The following GRID2 variants were observed in gnomAD, a reference collection of about 807,000 sequenced individuals.
GRID2 encodes the protein glutamate receptor ionotropic, delta-2.
GRID2 carries 33 observed loss-of-function variants against 114.8 expected under a neutral mutation model. That is an observed-to-expected ratio of 0.29 (90% CI 0.22 to 0.38). The LOEUF (loss-of-function observed/expected upper bound fraction) is 0.38. Ranked by LOEUF, GRID2 falls within the 10% of genes least tolerant of loss-of-function variation. The pLI is 1.00. For synonymous variants in GRID2, 505 were observed against 449.9 expected (o/e 1.12, Z -1.55); for missense variants, 1,184 against 1,257.7 (o/e 0.94, Z 0.89).
Position 93,204,550 on chromosome 4 carries a change from A to AG in GRID2, c.736-2852dup, listed in dbSNP as rs1200117032. Among the ~76,000 whole-genome samples the AG allele has an allele frequency of 5.5e-4, 84 of 152,178 alleles. 2 individuals are homozygous for AG. ...TCTCCTTGCTGACCCTAAGCAACAG[A>AG]GGATAGTACAGTGAGTAGAATCATG... On this transcript the variant is annotated intron_variant, in intron 4 of 15. Transcript: ENST00000282020.
rs562629123 is a variant in GRID2 at position 92,482,420 on chromosome 4, C to T, written c.89-107711C>T. On this transcript the variant is annotated intron_variant, in intron 1 of 15. Coordinates refer to ENST00000282020, the MANE Select transcript of GRID2 (RefSeq NM_001510.4). ...GCAATATACCCATGTAACAAACCTTCACCTGTACCCCTGCATCTAACTTAA... is the reference window on the plus strand; with the variant it reads ...GCAATATACCCATGTAACAAACCTTTACCTGTACCCCTGCATCTAACTTAA... Among the ~76,000 whole-genome samples the T allele has an allele frequency of 2.6e-5, 4 of 152,092 alleles. No homozygotes were observed. The East Asian group carries it at 5.8e-4, about 22-fold the overall frequency.
chr4:92,761,225 G>A (rs997096849), intron 2 of GRID2, among the ~76,000 whole-genome samples: 10 of 151,202 alleles, frequency 6.6e-5, no homozygotes, highest in Non-Finnish European at 1.0e-4. Context: ...CTTTTTTCTA[G>A]TTCTATATTA....
chr4:93,270,826 A>G (rs1288439792), intron 8 of GRID2, among the ~76,000 whole-genome samples: 1 of 152,006 alleles, frequency 6.6e-6, no homozygotes, highest in Non-Finnish European at 1.5e-5. Flanking sequence ...ACAGGGTTTT[A>G]CCATGTTGGC....
At chr4:93,350,901 G>A (rs750889064) in intron 8 of GRID2, among the ~76,000 whole-genome samples, 5 of 152,030 alleles carry the variant, frequency 3.3e-5, no homozygotes, top group Non-Finnish European at 5.9e-5. Context: ...AGTTTTAATG[G>A]ACTCACAGTT....
intron 13 of GRID2, among the ~76,000 whole-genome samples, chr4:93,603,210 C>CA (rs1187078804): frequency 8.7e-5 from 13 of 148,832 alleles, no homozygotes; most frequent in East Asian, 3.9e-4. Context: ...GACTTCATCT[C>CA]AAAAAAAAAG....
chr4:93,160,367 G>A lies in GRID2; in HGVS notation c.736-47037G>A, dbSNP rs75970124. Reference sequence around the variant, plus strand: ...TACAAAAAATAAAGTTTTCCAGTTCGTCTCGAGTCTTAAAAAAAAGTTTGT... The same window carrying A: ...TACAAAAAATAAAGTTTTCCAGTTCATCTCGAGTCTTAAAAAAAAGTTTGT... On this transcript the variant is annotated intron_variant, in intron 4 of 15. Coordinates refer to ENST00000282020, the MANE Select transcript of GRID2 (RefSeq NM_001510.4). 7.8e-3 allele frequency among the ~76,000 whole-genome samples: 1,180 copies of A among 151,764 alleles called. 6 individuals carry two copies. Among genetic ancestry groups the A allele is most frequent in the South Asian group, 0.029 (141 of 4,820 alleles).
chr4:93,717,665 C>T (rs1296396939), intron 14 of GRID2, among the ~76,000 whole-genome samples: 2 of 152,082 alleles, frequency 1.3e-5, no homozygotes, highest in Non-Finnish European at 2.9e-5. Context: ...TAATTATATG[C>T]TGTATATGGC....
chr4:93,338,497 A>G (rs1759315327), intron 8 of GRID2, among the ~76,000 whole-genome samples: 1 of 152,188 alleles, frequency 6.6e-6, no homozygotes, highest in African/African-American at 2.4e-5. Context: ...AGATAACAGT[A>G]AAAGGTAGTA....
chr4:93,340,457 T>G (rs1433665), intron 8 of GRID2, among the ~76,000 whole-genome samples: 1 of 151,922 alleles, frequency 6.6e-6, no homozygotes, highest in African/African-American at 2.4e-5. Flanking sequence ...AATCTTACCT[T>G]TAGGGAGCCA....
At chr4:93,756,994 T>C (rs950289010) in intron 14 of GRID2, among the ~76,000 whole-genome samples, 3 of 152,162 alleles carry the variant, frequency 2.0e-5, no homozygotes, top group Non-Finnish European at 1.5e-5. Context: ...CTCAAGGCAG[T>C]GTATGGTTCA....
chr4:92,717,471 G>A lies in GRID2; in HGVS notation c.244+127185G>A, dbSNP rs139687809. Among the ~76,000 whole-genome samples, 1,052 of 152,232 alleles carry A rather than the reference G, an allele frequency of 6.9e-3. 14 individuals carry two copies. The highest frequency in any genetic ancestry group is 0.023 in the African/African-American group (940 of 41,520). On this transcript the variant is annotated intron_variant, in intron 2 of 15. Transcript: ENST00000282020. ...GCCTGTCAAGAAAATGATGTTTGAC[G>A]AGCTATAAAGCATATTTAATATGCT...
At chr4:93,803,092 G>A (rs1734963017) in intron 1 of GRID2, among the ~76,000 whole-genome samples, 1 of 152,142 alleles carries the variant, frequency 6.6e-6, no homozygotes, top group African/African-American at 2.4e-5. Flanking sequence ...ACATGCAGTG[G>A]AATTTTGTAG....
intron 2 of GRID2, among the ~76,000 whole-genome samples, chr4:93,001,795 A>G (rs947478599): frequency 6.6e-6 from 1 of 151,786 alleles, no homozygotes; most frequent in Non-Finnish European, 1.5e-5. Flanking sequence ...TGCATTAACA[A>G]GAAAACTAAA....
chr4:93,478,211 T>C (rs528905340), intron 11 of GRID2, among the ~76,000 whole-genome samples: 64 of 152,234 alleles, frequency 4.2e-4, no homozygotes, highest in Non-Finnish European at 8.2e-4. Flanking sequence ...GTAATAAAAT[T>C]CAATTTAGTT....
chr4:92,803,708 C>G (rs984665827), intron 2 of GRID2, among the ~76,000 whole-genome samples: 1 of 151,854 alleles, frequency 6.6e-6, no homozygotes, highest in African/African-American at 2.4e-5. Context: ...TAAGGGGGAC[C>G]CCAGGCATGA....
chr4:93,042,373 T>G (rs1725643031), intron 2 of GRID2, among the ~76,000 whole-genome samples: 1 of 147,712 alleles, frequency 6.8e-6, no homozygotes, highest in African/African-American at 2.5e-5. Flanking sequence ...ACTTAAAGTA[T>G]AATTTTATAT....
intron 1 of GRID2, among the ~76,000 whole-genome samples, chr4:92,554,657 T>C (rs1268204606): frequency 6.6e-6 from 1 of 152,194 alleles, no homozygotes; most frequent in Non-Finnish European, 1.5e-5. Context: ...TTTCACCTTA[T>C]GGGAAATATT....
At chr4:93,519,875 G>A (rs2149496705) in intron 13 of GRID2, among the ~76,000 whole-genome samples, 1 of 152,272 alleles carries the variant, frequency 6.6e-6, no homozygotes, top group African/African-American at 2.4e-5. Flanking sequence ...TATGGGGAAA[G>A]GGGTGCTATT....
intron 1 of GRID2, among the ~76,000 whole-genome samples, chr4:92,396,520 G>GTATA (rs1242634259): frequency 6.6e-6 from 1 of 151,848 alleles, no homozygotes; most frequent in African/African-American, 2.4e-5. Flanking sequence ...TATACCATTG[G>GTATA]AGAGACACTT....
Sources: allele counts gnomAD v4.1 joint callset (sites outside exome capture counted in the v4.1 genomes callset), GRCh38; gene constraint gnomAD v4.1.1; transcripts MANE v1.5; gene names NCBI Gene and HGNC (gene_info 2026-07-23, HGNC 2026-07-21).